Variants in EYA2 observed in about 807,000 individuals in gnomAD.
EYA2 encodes the protein EYA transcriptional coactivator and phosphatase 2, also known as protein phosphatase EYA2.
In EYA2, 31 loss-of-function variants were observed where a neutral mutation model predicts 69.2. The ratio of observed to expected loss-of-function variants is 0.45; its 90% CI spans 0.34 to 0.60. The LOEUF is 0.60. Ranked by LOEUF, EYA2 falls within the 20% of genes least tolerant of loss-of-function variation. EYA2 has a pLI of 0.02. For missense variants in EYA2, 622 were observed against 701.2 expected (o/e 0.89, Z 1.28); for synonymous variants, 257 against 279.4 (o/e 0.92, Z 0.80).
chr20:47,185,951 A>G (rs894013463), intron 15 of EYA2, among the ~76,000 whole-genome samples: 2 of 152,086 alleles, frequency 1.3e-5, no homozygotes, highest in African/African-American at 4.8e-5. Flanking sequence ...TGAGCATTGC[A>G]TTCCAAGCTC....
At chr20:47,088,975 G>A (rs76344853) in intron 7 of EYA2, among the ~76,000 whole-genome samples, 19,500 of 152,234 alleles carry the variant, frequency 0.13, 1,476 homozygotes, top group Non-Finnish European at 0.17. Flanking sequence ...TAGCGTTGAA[G>A]TGCTGTGAGA....
rs553002722 is a variant in EYA2 at position 46,944,172 on chromosome 20, C to T, written c.-10-45829C>T. On this transcript the variant is annotated intron_variant, in intron 1 of 15. Coordinates refer to ENST00000327619, the MANE Select transcript of EYA2 (RefSeq NM_005244.5). ...GAGCCAGGTGAGGGCCTGGCTGCTC[C>T]CAGGAAAGAGAGGATGTCATGGTCC... Among the ~76,000 whole-genome samples the T allele has an allele frequency of 3.3e-5, 5 of 152,268 alleles. No homozygotes were observed. In the East Asian group the frequency reaches 9.7e-4, roughly 29 times the overall value.
chr20:47,042,622 C>T (rs987616399), intron 5 of EYA2, among the ~76,000 whole-genome samples: 1 of 152,142 alleles, frequency 6.6e-6, no homozygotes, highest in Non-Finnish European at 1.5e-5. Context: ...TCAAAGAACC[C>T]ACAGCACCTG....
At chr20:47,120,914 T>C (rs1370903514) in intron 9 of EYA2, among the ~76,000 whole-genome samples, 2 of 152,228 alleles carry the variant, frequency 1.3e-5, no homozygotes, top group Non-Finnish European at 2.9e-5. Context: ...ACTGGCCTCA[T>C]CGAATGGGTT....
chr20:47,122,500 G>A (rs1171982830), intron 9 of EYA2, among the ~76,000 whole-genome samples: 1 of 151,570 alleles, frequency 6.6e-6, no homozygotes, highest in Non-Finnish European at 1.5e-5. Context: ...GGGTTTCACC[G>A]TGTTAGCCAG....
chr20:47,120,744 T>A (rs1011506180), intron 9 of EYA2, among the ~76,000 whole-genome samples: 5 of 152,226 alleles, frequency 3.3e-5, no homozygotes, highest in African/African-American at 1.2e-4. Context: ...AGAATGATTC[T>A]GTTTCCCAAA....
intron 8 of EYA2, among the ~76,000 whole-genome samples, chr20:47,092,321 G>A (rs901216433): frequency 1.3e-5 from 2 of 152,146 alleles, no homozygotes; most frequent in African/African-American, 4.8e-5. Context: ...TCTTAGTCCA[G>A]GGAATTCTGT....
intron 1 of EYA2, among the ~76,000 whole-genome samples, chr20:46,936,428 G>A (rs921983213): frequency 6.6e-6 from 1 of 152,146 alleles, no homozygotes; most frequent in African/African-American, 2.4e-5. Flanking sequence ...CCAACATCAC[G>A]CCATGGCCCT....
At chr20:46,907,645 C>G (rs1052171428) in intron 1 of EYA2, among the ~76,000 whole-genome samples, 2 of 152,342 alleles carry the variant, frequency 1.3e-5, no homozygotes, top group Admixed American at 1.3e-4. Flanking sequence ...TCGAGACCAG[C>G]CTGGCCAACA....
At chr20:47,149,378 C>G (rs947869114) in intron 10 of EYA2, among the ~76,000 whole-genome samples, 5 of 152,150 alleles carry the variant, frequency 3.3e-5, no homozygotes, top group Non-Finnish European at 5.9e-5. Flanking sequence ...ATCAGCTCAT[C>G]ACACCACCGA....
At chr20:47,029,012 TTAAAA>T (rs1984253186) in intron 5 of EYA2, among the ~76,000 whole-genome samples, 1 of 152,232 alleles carries the variant, frequency 6.6e-6, no homozygotes, top group South Asian at 2.1e-4. Context: ...CAACAAATTT[TTAAAA>T]TAAAATAAAA....
chr20:47,094,138 G>T (rs207477609), intron 8 of EYA2, among the ~76,000 whole-genome samples: 1 of 152,228 alleles, frequency 6.6e-6, no homozygotes, highest in Admixed American at 6.5e-5. Flanking sequence ...GGATGGTGAG[G>T]TAGTAGGAGA....
chr20:46,947,795 C>CTGA (rs1978551983), intron 1 of EYA2, among the ~76,000 whole-genome samples: 1 of 152,130 alleles, frequency 6.6e-6, no homozygotes, highest in Non-Finnish European at 1.5e-5. Flanking sequence ...GAAGGTGAAT[C>CTGA]TGAGATATTT....
rs1466280006 is a variant in EYA2 at position 47,185,852 on chromosome 20, T to G, written c.1537-2201T>G. ...ACTTTGCTTGAGAAACTTACCTTCT[T>G]TTTTTCCCTCTCTCTCTTCCTCTTT... On this transcript the variant is annotated intron_variant, in intron 15 of 15. Transcript: ENST00000327619. Among the ~76,000 whole-genome samples the G allele has an allele frequency of 3.9e-5, 6 of 152,184 alleles. No individual in the cohort carries two copies. In the East Asian group the frequency reaches 1.2e-3, roughly 29 times the overall value.
chr20:47,050,090 A>T (rs2030251107), intron 5 of EYA2, among the ~76,000 whole-genome samples: 1 of 152,128 alleles, frequency 6.6e-6, no homozygotes, highest in African/African-American at 2.4e-5. Context: ...TGGTGATGTT[A>T]ACCTTGATCA....
intron 2 of EYA2, among the ~76,000 whole-genome samples, chr20:46,995,484 T>C (rs146061240): frequency 3.1e-4 from 47 of 152,248 alleles, no homozygotes; most frequent in Middle Eastern, 3.4e-3. Context: ...ACAGTCAGAA[T>C]TGGGGCACCC....
At chr20:47,031,583 A>G (rs1193032181) in intron 5 of EYA2, among the ~76,000 whole-genome samples, 1 of 152,256 alleles carries the variant, frequency 6.6e-6, no homozygotes, top group Non-Finnish European at 1.5e-5. Flanking sequence ...GACCCCATTC[A>G]GAAAATTCTA....
At chr20:47,032,789 A>G (rs56085700) in intron 5 of EYA2, among the ~76,000 whole-genome samples, 3,347 of 152,334 alleles carry the variant, frequency 0.022, 119 homozygotes, top group African/African-American at 0.077. Flanking sequence ...GACAAAGTCA[A>G]GTGCTTCCTT....
intron 14 of EYA2, among the ~76,000 whole-genome samples, chr20:47,182,319 A>G (rs2034552478): frequency 1.3e-5 from 2 of 151,262 alleles, no homozygotes; most frequent in Admixed American, 1.3e-4. Context: ...CTGGCCATGC[A>G]CTATACGCTT....
Sources: gnomAD v4.1 joint callset for allele counts (sites outside exome capture counted in the v4.1 genomes callset) on GRCh38, gnomAD v4.1.1 for gene constraint, MANE v1.5 for transcripts, NCBI Gene and HGNC (gene_info 2026-07-23, HGNC 2026-07-21) for gene names.